TENM4: variants seen among roughly 807,000 people sequenced by gnomAD.
TENM4 encodes teneurin-4.
TENM4 carries 82 observed loss-of-function variants against 243.3 expected under a neutral mutation model. That is an observed-to-expected ratio of 0.34 (90% CI 0.28 to 0.40). The LOEUF is 0.40. Among genes scored for constraint, TENM4 ranks in the 10% least tolerant of loss-of-function variants. The pLI is 1.00. For synonymous variants in TENM4, 1,412 were observed against 1,456.3 expected (o/e 0.97, Z 0.69); for missense variants, 3,138 against 3,673.3 (o/e 0.85, Z 3.77).
chr11:79,314,175 C>T (rs1052940134), intron 1 of TENM4, among the ~76,000 whole-genome samples: 2 of 152,146 alleles, frequency 1.3e-5, no homozygotes, highest in Non-Finnish European at 2.9e-5. Context: ...TCCAAGCCTC[C>T]GTTTTCTCAT....
intron 6 of TENM4, among the ~76,000 whole-genome samples, chr11:79,060,205 G>A (rs1860051864): frequency 6.6e-6 from 1 of 152,248 alleles, no homozygotes; most frequent in African/African-American, 2.4e-5. Context: ...CCGACCCCCA[G>A]CCTGTTGGCC....
chr11:79,400,136 CA>C lies in TENM4; in HGVS notation c.-321+40372del, dbSNP rs1189603346. Among the ~76,000 whole-genome samples, 297 of 151,450 alleles carry C rather than the reference CA, an allele frequency of 2.0e-3. 2 individuals carry two copies. The highest frequency in any genetic ancestry group is 6.8e-3 in the African/African-American group (281 of 41,226). On this transcript the variant is annotated intron_variant, in intron 1 of 33. Transcript: ENST00000278550. ...ACACACACACACACACACACACACA[CA>C]CACACACACCCTCCAGGATTATTTC...
At position 78,812,306 on chromosome 11, in the gene TENM4, G is replaced by C; in HGVS notation, c.1794C>G (p.Pro598=). ...ATTGGCCATTTCCGCTACAGAGCAC[G>C]GGGCAGGAGGCTGGGGAGACAGCAC... ...LGPDCGRASC[P]VLCSGNGQYM... The change falls in exon 14 of 34, where the codon CCC becomes CCG. Residue 598 remains proline (P), a synonymous_variant. Coordinates refer to ENST00000278550, the MANE Select transcript of TENM4 (RefSeq NM_001098816.3). 1 of 1,551,146 alleles carries C rather than the reference G, an allele frequency of 6.4e-7. No homozygotes were observed. Among genetic ancestry groups the C allele is most frequent in the African/African-American group, 1.4e-5 (1 of 73,166 alleles).
rs954536119 is a variant in TENM4, at chr11:79,216,590, T to C, written c.-264-681A>G. Among the ~76,000 whole-genome samples, 3 of 152,218 alleles carry C rather than the reference T, an allele frequency of 2.0e-5. No individual in the cohort carries two copies. The South Asian group carries it at 6.2e-4, about 31-fold the overall frequency. ...ATTGTGATGGCTCTGCCTTGATGAA[T>C]GGATTAATGCATTCTCATAGCAGTG... On this transcript the variant is annotated intron_variant, in intron 2 of 33. Coordinates refer to ENST00000278550, the MANE Select transcript of TENM4 (RefSeq NM_001098816.3).
At chr11:78,856,480 T>G (rs186676684) in intron 10 of TENM4, among the ~76,000 whole-genome samples, 1 of 152,350 alleles carries the variant, frequency 6.6e-6, no homozygotes, top group East Asian at 1.9e-4. Context: ...TGTTAAGATA[T>G]ATTTTGATCC....
In TENM4 at chr11:78,891,154, C is replaced by A. The variant is rs1294756251; in HGVS notation, c.848+84G>T. The A allele has an allele frequency of 1.2e-5, 16 of 1,296,636 alleles. No homozygotes were observed. In the African/African-American group the frequency reaches 1.8e-4, roughly 14 times the overall value. 80.3% of individuals were successfully genotyped at this position (1,296,636 alleles called of 1,614,324 possible). ...ATGGATCACCTCCCCCAGAAGATCC[C>A]AGGGAAAGGTCTCAGGGTCTGCATG... On this transcript the variant is annotated intron_variant, in intron 8 of 33. Coordinates refer to ENST00000278550, the MANE Select transcript of TENM4 (RefSeq NM_001098816.3).
chr11:78,995,820 A>C (rs2136681089), intron 6 of TENM4, among the ~76,000 whole-genome samples: 1 of 152,172 alleles, frequency 6.6e-6, no homozygotes, highest in East Asian at 1.9e-4. Flanking sequence ...TGGATTGACC[A>C]TTTTACTAGC....
chr11:79,069,482 C>T (rs1378349168), intron 5 of TENM4, among the ~76,000 whole-genome samples: 6 of 152,190 alleles, frequency 3.9e-5, no homozygotes, highest in African/African-American at 1.4e-4. Flanking sequence ...CTCCTAACCA[C>T]CTCACTATGC....
chr11:78,675,224 C>A (rs950235058), intron 30 of TENM4, among the ~76,000 whole-genome samples: 5 of 152,160 alleles, frequency 3.3e-5, no homozygotes, highest in Non-Finnish European at 7.4e-5. Context: ...CGTTTACCCT[C>A]TCTGGATCTC....
chr11:78,782,789 G>A (rs1856865031), intron 16 of TENM4, among the ~76,000 whole-genome samples: 2 of 150,756 alleles, frequency 1.3e-5, no homozygotes, highest in South Asian at 4.2e-4. Flanking sequence ...AAAAAAACTG[G>A]ACAAAGCACG....
intron 7 of TENM4, among the ~76,000 whole-genome samples, chr11:78,891,589 A>G (rs1220045929): frequency 2.0e-5 from 3 of 152,226 alleles, no homozygotes; most frequent in Non-Finnish European, 4.4e-5. Context: ...TTCTCACTGG[A>G]GAGGACTGAC....
intron 19 of TENM4, among the ~76,000 whole-genome samples, chr11:78,739,655 A>C (rs1203734165): frequency 1.3e-5 from 2 of 152,140 alleles, no homozygotes; most frequent in Non-Finnish European, 2.9e-5. Context: ...CAGAAACGTT[A>C]GGGTAGATGA....
intron 4 of TENM4, among the ~76,000 whole-genome samples, chr11:79,081,538 T>TGTGTGTGTGTGTGTGTGC (rs1860674467): frequency 6.9e-6 from 1 of 145,262 alleles, no homozygotes; most frequent in African/African-American, 2.7e-5. Flanking sequence ...AGAGGTGGTG[T>TGTGTGTGTGTGTGTGTGC]GTGTGTGTGT....
At chr11:79,100,263 C>T (rs574670833) in intron 4 of TENM4, among the ~76,000 whole-genome samples, 6 of 152,118 alleles carry the variant, frequency 3.9e-5, no homozygotes, top group East Asian at 1.9e-4. Flanking sequence ...CTTAGGTCCC[C>T]GCCCCCTCCT....
intron 6 of TENM4, among the ~76,000 whole-genome samples, chr11:79,004,864 G>GA (rs1356728015): frequency 1.2e-5 from 1 of 82,656 alleles, no homozygotes; most frequent in Non-Finnish European, 2.5e-5. Context: ...GGCTAATAAA[G>GA]AAAAAAAGAG....
chr11:79,259,446 T>C (rs1855754449), intron 2 of TENM4, among the ~76,000 whole-genome samples: 1 of 152,098 alleles, frequency 6.6e-6, no homozygotes, highest in African/African-American at 2.4e-5. Context: ...TCTAATGAAA[T>C]CTACCTATCT....
At chr11:78,689,011 CATTTTCATGT>C (rs1214634311) in intron 28 of TENM4, among the ~76,000 whole-genome samples, 4 of 152,200 alleles carry the variant, frequency 2.6e-5, no homozygotes, top group Admixed American at 2.6e-4. Flanking sequence ...GCTTTTCATG[CATTTTCATGT>C]AATCCTCATT....
chr11:79,016,749 G>A (rs765709617), intron 6 of TENM4, among the ~76,000 whole-genome samples: 2 of 152,208 alleles, frequency 1.3e-5, no homozygotes, highest in East Asian at 1.9e-4. Context: ...ATGTGTGTGA[G>A]GAAGTCTTTG....
chr11:79,373,205 G>GA (rs1463594497), intron 1 of TENM4, among the ~76,000 whole-genome samples: 1 of 152,222 alleles, frequency 6.6e-6, no homozygotes, highest in African/African-American at 2.4e-5. Flanking sequence ...TGGATGGATA[G>GA]ATGCATGGGT....
Sources: allele counts gnomAD v4.1 joint callset (sites outside exome capture counted in the v4.1 genomes callset), GRCh38; gene constraint gnomAD v4.1.1; transcripts MANE v1.5; gene names NCBI Gene and HGNC (gene_info 2026-07-23, HGNC 2026-07-21).